RBFOX1: variants seen among roughly 807,000 people sequenced by gnomAD.
The protein encoded by RBFOX1 is RNA binding protein fox-1 homolog 1.
In RBFOX1, 8 loss-of-function variants were observed where a neutral mutation model predicts 57.7. That is an observed-to-expected ratio of 0.14 (90% CI 0.08 to 0.25). The LOEUF is 0.25. RBFOX1 is among the 10% of genes least tolerant of loss of function. The pLI is 1.00. For synonymous variants in RBFOX1, 326 were observed against 222.4 expected, an observed-to-expected ratio of 1.47 and a Z score of -4.15; for missense variants, 611 against 548.5, an observed-to-expected ratio of 1.11 and a Z score of -1.14.
intron 2 of RBFOX1, among the ~76,000 whole-genome samples, chr16:5,483,350 G>T (rs1193474373): frequency 6.6e-6 from 1 of 152,212 alleles, no homozygotes; most frequent in African/African-American, 2.4e-5. Flanking sequence ...GTCTCGGCCT[G>T]TCTGTGACTG....
intron 4 of RBFOX1, among the ~76,000 whole-genome samples, chr16:7,281,025 CAG>C (rs1016268557): frequency 8.1e-6 from 1 of 122,870 alleles, no homozygotes; most frequent in Non-Finnish European, 1.6e-5. Flanking sequence ...CCTTCCGAGA[CAG>C]AGTGAGTCTC....
intron 1 of RBFOX1, among the ~76,000 whole-genome samples, chr16:5,342,708 C>T (rs1437709858): frequency 6.6e-6 from 1 of 152,174 alleles, no homozygotes; most frequent in East Asian, 1.9e-4. Context: ...CAGTCTCCTA[C>T]CTGTACCCCA....
At chr16:6,650,461 T>C (rs1568044617) in intron 2 of RBFOX1, among the ~76,000 whole-genome samples, 1 of 152,156 alleles carries the variant, frequency 6.6e-6, no homozygotes, top group Non-Finnish European at 1.5e-5. Flanking sequence ...GCTCCCTCAT[T>C]GTGTGATTCA....
intron 3 of RBFOX1, among the ~76,000 whole-genome samples, chr16:5,734,747 A>G (rs1054074921): frequency 2.0e-5 from 3 of 152,158 alleles, no homozygotes; most frequent in Non-Finnish European, 4.4e-5. Context: ...CACTGAGCTC[A>G]TTCCCTGTAG....
chr16:6,579,315 C>T (rs1403978123), intron 2 of RBFOX1, among the ~76,000 whole-genome samples: 1 of 152,084 alleles, frequency 6.6e-6, no homozygotes, highest in East Asian at 1.9e-4. Flanking sequence ...GCAGTCCTCC[C>T]ACCTCGGTCT....
chr16:5,790,976 C>T (rs1043534541), intron 3 of RBFOX1, among the ~76,000 whole-genome samples: 1 of 149,262 alleles, frequency 6.7e-6, no homozygotes, highest in Non-Finnish European at 1.5e-5. Context: ...TCAAGTGATT[C>T]TTTTGCTTCA....
chr16:5,338,980 G>C (rs979093421), intron 1 of RBFOX1, among the ~76,000 whole-genome samples: 1 of 152,118 alleles, frequency 6.6e-6, no homozygotes, highest in African/African-American at 2.4e-5. Context: ...ACTAAATCAA[G>C]TCAGTTCCAC....
In RBFOX1 at chr16:5,503,005, A is replaced by G. The variant is rs113569331; in HGVS notation, c.258+35751A>G. ...GTGTCCAATACACATCTCTCCTAAA[A>G]TATTTCCTCTTTCTTCCCTGGGGCT... On this transcript the variant is annotated intron_variant, in intron 2 of 2. Transcript: ENST00000585867. Among the ~76,000 whole-genome samples the G allele has an allele frequency of 9.2e-3, 1,403 of 152,326 alleles. 17 individuals carry two copies. The highest frequency in any genetic ancestry group is 0.045 in the South Asian group (216 of 4,826).
intron 1 of RBFOX1, among the ~76,000 whole-genome samples, chr16:6,240,248 A>G (rs912228964): frequency 1.3e-5 from 2 of 152,138 alleles, no homozygotes; most frequent in African/African-American, 4.8e-5. Flanking sequence ...TTCTTCATAA[A>G]TTACCCAGTC....
chr16:7,565,837 G>C (rs1382076901), intron 5 of RBFOX1, among the ~76,000 whole-genome samples: 1 of 152,136 alleles, frequency 6.6e-6, no homozygotes, highest in Non-Finnish European at 1.5e-5. Flanking sequence ...GGAAAGGAAA[G>C]AGGCTGAATA....
At chr16:6,924,244 T>C (rs191457226) in intron 3 of RBFOX1, among the ~76,000 whole-genome samples, 1 of 152,050 alleles carries the variant, frequency 6.6e-6, no homozygotes. Flanking sequence ...AGAGGTTTAT[T>C]TGACTCACAG....
intron 3 of RBFOX1, among the ~76,000 whole-genome samples, chr16:6,935,408 A>G (rs1209192562): frequency 6.6e-6 from 1 of 152,206 alleles, no homozygotes; most frequent in Non-Finnish European, 1.5e-5. Context: ...TTCCAACAGT[A>G]GATCATAAAA....
chr16:6,270,648 C>T (rs974252460), intron 1 of RBFOX1, among the ~76,000 whole-genome samples: 3 of 151,998 alleles, frequency 2.0e-5, no homozygotes, highest in African/African-American at 4.8e-5. Flanking sequence ...AGAGGCTAAA[C>T]ACTATTAGGA....
intron 2 of RBFOX1, among the ~76,000 whole-genome samples, chr16:6,493,197 T>C (rs10431952): frequency 0.32 from 48,569 of 152,010 alleles, 8,565 homozygotes; most frequent in Non-Finnish European, 0.4. Flanking sequence ...GCTTGGAAAA[T>C]ATATTTGAGC....
intron 3 of RBFOX1, among the ~76,000 whole-genome samples, chr16:6,753,504 C>A (rs906183858): frequency 6.6e-6 from 1 of 152,154 alleles, no homozygotes; most frequent in Non-Finnish European, 1.5e-5. Flanking sequence ...CCTTTCATCT[C>A]CTATACCATG....
chr16:7,004,668 A>G lies in RBFOX1; in HGVS notation c.-15-47389A>G, dbSNP rs149399341. On this transcript the variant is annotated intron_variant, in intron 3 of 15. Transcript: ENST00000550418. ...ATTCCATTGTCTGGGCATTTTTTCT[A>G]TATAGGGAAAATATACAAAAGCCAC... Among the ~76,000 whole-genome samples, 347 of 152,308 alleles carry G rather than the reference A, an allele frequency of 2.3e-3. 3 individuals are homozygous for G. Among genetic ancestry groups the G allele is most frequent in the African/African-American group, 7.1e-3 (297 of 41,568 alleles).
intron 3 of RBFOX1, among the ~76,000 whole-genome samples, chr16:5,832,346 G>A (rs2056303385): frequency 6.6e-6 from 1 of 152,176 alleles, no homozygotes; most frequent in African/African-American, 2.4e-5. Flanking sequence ...CAGAAGGAAG[G>A]CTGAGGTAGG....
At chr16:7,560,768 G>A (rs1265029862) in intron 5 of RBFOX1, among the ~76,000 whole-genome samples, 2 of 152,156 alleles carry the variant, frequency 1.3e-5, no homozygotes, top group Non-Finnish European at 2.9e-5. Flanking sequence ...GATGAGAGAT[G>A]ATCCCAAGAC....
rs115612875 is a variant in RBFOX1 at position 6,900,761 on chromosome 16, G to A, written c.-15-151296G>A. Among the ~76,000 whole-genome samples the A allele has an allele frequency of 4.9e-3, 746 of 152,148 alleles. 5 individuals are homozygous for A. Among genetic ancestry groups the A allele is most frequent in the African/African-American group, 0.017 (720 of 41,496 alleles). ...GTCTAAACTGGGATCTTCTGTCTACGTGTAAGACCCTCTCCTCTTCCTTCA... is the reference window on the plus strand; with the variant it reads ...GTCTAAACTGGGATCTTCTGTCTACATGTAAGACCCTCTCCTCTTCCTTCA... On this transcript the variant is annotated intron_variant, in intron 3 of 15. Transcript: ENST00000550418.
Sources: gnomAD v4.1 joint callset for allele counts (sites outside exome capture counted in the v4.1 genomes callset) on GRCh38, gnomAD v4.1.1 for gene constraint, MANE v1.5 for transcripts, NCBI Gene and HGNC (gene_info 2026-07-23, HGNC 2026-07-21) for gene names.